The following CMIP variants were observed in gnomAD, a reference collection of about 807,000 sequenced individuals.
CMIP encodes the protein C-Maf-inducing protein.
CMIP carries 13 observed loss-of-function variants against 97.3 expected under a neutral mutation model. The observed-to-expected ratio is 0.13, with a 90% CI of 0.09 to 0.21. CMIP has a LOEUF of 0.21. Among genes scored for constraint, CMIP ranks in the 10% least tolerant of loss-of-function variants. The pLI, the probability that CMIP is intolerant of heterozygous loss-of-function variation, is 1.00. For missense variants in CMIP, 847 were observed against 1,024.9 expected (o/e 0.83, Z 2.37); for synonymous variants, 538 against 436.3 (o/e 1.23, Z -2.91).
In CMIP at chr16:81,701,762, G is replaced by C; in HGVS notation, c.1858G>C (p.Glu620Gln). 2 of 1,613,816 alleles carry C rather than the reference G, an allele frequency of 1.2e-6. No individual in the cohort carries two copies. Among genetic ancestry groups the C allele is most frequent in the Non-Finnish European group, 1.7e-6 (2 of 1,179,870 alleles). Residue 620 changes from glutamate (E) to glutamine (Q), a missense_variant, in exon 16 of 21, where the codon GAG becomes CAG. Physicochemically the swap from Glu to Gln is conservative, Grantham distance 29. Around this residue, in one of 4 missense-constraint regions of CMIP, gnomAD observed 266 missense variants for 384.2 expected, o/e 0.69. Coordinates refer to ENST00000537098, the MANE Select transcript of CMIP (RefSeq NM_198390.3). ...ESTDVGKRMY[E>Q]QLCDRQRELK... Reference sequence around the variant, plus strand: ...CACAGACGTGGGGAAGCGCATGTACGAGCAGCTGTGTGACCGGCAGCGGGA... The same window carrying C: ...CACAGACGTGGGGAAGCGCATGTACCAGCAGCTGTGTGACCGGCAGCGGGA...
At chr16:81,484,611 A>G (rs2150759907) in intron 1 of CMIP, among the ~76,000 whole-genome samples, 1 of 152,220 alleles carries the variant, frequency 6.6e-6, no homozygotes, top group African/African-American at 2.4e-5. Context: ...TTGGGTAATC[A>G]TCTCCGGCTC....
chr16:81,599,609 A>C (rs1284285313), intron 1 of CMIP, among the ~76,000 whole-genome samples: 1 of 152,156 alleles, frequency 6.6e-6, no homozygotes, highest in Admixed American at 6.5e-5. Flanking sequence ...TGTGAGCACA[A>C]AGGTACACAA....
intron 1 of CMIP, chr16:81,519,660 C>G (rs931101709): frequency 2.0e-5 from 3 of 152,262 alleles, no homozygotes; most frequent in Admixed American, 2.0e-4. Context: ...GTTTCCTCAT[C>G]TGTAAAGTGG....
chr16:81,619,806 A>T (rs2091969258), intron 2 of CMIP: 1 of 152,262 alleles, frequency 6.6e-6, no homozygotes, highest in Admixed American at 6.5e-5. Context: ...ATGAGATGAC[A>T]GTACCGACTT....
rs536898326 is a variant in CMIP, at chr16:81,673,694, C to T, written c.1034+1624C>T. Among the ~76,000 whole-genome samples, 18 of 152,282 alleles carry T rather than the reference C, an allele frequency of 1.2e-4. 1 individual carries two copies. In the South Asian group the frequency reaches 2.3e-3, roughly 19 times the overall value. On this transcript the variant is annotated intron_variant, in intron 9 of 20. Coordinates refer to ENST00000537098, the MANE Select transcript of CMIP (RefSeq NM_198390.3). The stretch of plus-strand genomic sequence containing the variant: ...TAGTCACTCACCAGCTCCCATCCCT[C>T]GCTGGCTGAGAACTGCTCCCGGGAT...
intron 1 of CMIP, among the ~76,000 whole-genome samples, chr16:81,583,704 C>A (rs1203351572): frequency 6.6e-6 from 1 of 152,112 alleles, no homozygotes. Context: ...TCTGTCGTTG[C>A]AGAGGCACTT....
intron 3 of CMIP, among the ~76,000 whole-genome samples, chr16:81,622,738 C>T (rs1434608036): frequency 6.6e-6 from 1 of 152,196 alleles, no homozygotes; most frequent in South Asian, 2.1e-4. Context: ...TTCTGCCTTT[C>T]CCTGGTCCAC....
At chr16:81,635,389 T>TTAGGTATTTAA (rs2092221413) in intron 3 of CMIP, among the ~76,000 whole-genome samples, 1 of 152,132 alleles carries the variant, frequency 6.6e-6, no homozygotes, top group African/African-American at 2.4e-5. Flanking sequence ...CATTTTAATT[T>TTAGGTATTTAA]TTTAAAGGTA....
chr16:81,664,491 G>C (rs2092582151), intron 7 of CMIP, 142 bp downstream of exon 7: 2 of 710,274 alleles, frequency 2.8e-6, no homozygotes, highest in Admixed American at 2.8e-5. Context: ...TGAGATTCTG[G>C]TTAAGGACTT....
At chr16:81,479,082 A>G (rs888611624) in intron 1 of CMIP, among the ~76,000 whole-genome samples, 3 of 152,128 alleles carry the variant, frequency 2.0e-5, no homozygotes, top group Admixed American at 6.5e-5. Flanking sequence ...TAGTTCTGCT[A>G]TTGACCGGAC....
At chr16:81,689,713 T>A (rs1360892060) in intron 10 of CMIP, among the ~76,000 whole-genome samples, 1 of 152,236 alleles carries the variant, frequency 6.6e-6, no homozygotes, top group Admixed American at 6.5e-5. Flanking sequence ...GGTATTTTAG[T>A]CATGAAGTCC....
At position 81,702,916 on chromosome 16, in the gene CMIP, T is replaced by C. The variant is rs183499734; in HGVS notation, c.1944+247T>C. 2.5e-4 allele frequency among the ~76,000 whole-genome samples: 38 copies of C among 152,324 alleles called. 1 individual carries two copies. The highest frequency in any genetic ancestry group is 6.8e-3 in the Middle Eastern group (2 of 294). On this transcript the variant is annotated intron_variant, in intron 17 of 20. Coordinates refer to ENST00000537098, the MANE Select transcript of CMIP (RefSeq NM_198390.3). Reference sequence around the variant, plus strand: ...TGATAATAGTGTTGATATCTAGTTATTAATAGTACTTGGAATAATAGCAGA... The same window carrying C: ...TGATAATAGTGTTGATATCTAGTTACTAATAGTACTTGGAATAATAGCAGA...
In CMIP at chr16:81,707,001, G is replaced by A. The variant is rs757406905; in HGVS notation, c.2198-13G>A. The A allele has an allele frequency of 1.9e-6, 3 of 1,612,952 alleles. No individual in the cohort carries two copies. The South Asian group carries it at 3.3e-5, about 18-fold the overall frequency. ...CCTCGCTCTCCTAACAACTGTATCT[G>A]TCTCTTGTGCAGCCATGAAGAGTCT... On this transcript the variant is annotated splice_polypyrimidine_tract_variant and intron_variant, in intron 19 of 20. Transcript: ENST00000537098.
intron 13 of CMIP, among the ~76,000 whole-genome samples, 193 bp downstream of exon 13, chr16:81,693,680 G>A (rs985542504): frequency 5.9e-5 from 9 of 152,204 alleles, no homozygotes; most frequent in Non-Finnish European, 8.8e-5. Flanking sequence ...TACTGTAAAC[G>A]CCGGCTCACC....
At chr16:81,468,787 G>A (rs917901387) in intron 1 of CMIP, among the ~76,000 whole-genome samples, 1 of 152,234 alleles carries the variant, frequency 6.6e-6, no homozygotes, top group African/African-American at 2.4e-5. Flanking sequence ...GGAGGAGAAA[G>A]CAGGGAGGAG....
Position 81,652,760 on chromosome 16 carries a change from A to T in CMIP, c.639+396A>T. Among the ~76,000 whole-genome samples, 1 of 152,202 alleles carries T rather than the reference A, an allele frequency of 6.6e-6. No homozygotes were observed. Among genetic ancestry groups the T allele is most frequent in the East Asian group, 1.9e-4 (1 of 5,194 alleles). On this transcript the variant is annotated intron_variant, in intron 4 of 20. Transcript: ENST00000537098. The surrounding 1 kb of genome is among the most constrained non-coding windows in gnomAD (Gnocchi z 5.2). ...GTTTAATTTAAACACCATTTTAAAA[A>T]TCAGGAGATTTCACAGTACAGTGGG...
chr16:81,668,103 G>A (rs2092630349), intron 7 of CMIP, among the ~76,000 whole-genome samples: 1 of 152,048 alleles, frequency 6.6e-6, no homozygotes, highest in African/African-American at 2.4e-5. Flanking sequence ...GACCTGAGGG[G>A]GGTCTCTATT....
intron 1 of CMIP, among the ~76,000 whole-genome samples, chr16:81,498,212 A>G (rs565993066): frequency 6.6e-6 from 1 of 152,352 alleles, no homozygotes; most frequent in East Asian, 1.9e-4. Flanking sequence ...CTTCTAGGAC[A>G]GTCAAGAAGG....
intron 7 of CMIP, among the ~76,000 whole-genome samples, chr16:81,667,865 T>C (rs889272258): frequency 6.7e-6 from 1 of 150,372 alleles, no homozygotes; most frequent in Non-Finnish European, 1.5e-5. Flanking sequence ...AGTGCGTGCA[T>C]TTTTCTGAAC....
Sources: allele counts gnomAD v4.1 joint callset (sites outside exome capture counted in the v4.1 genomes callset), GRCh38; gene constraint gnomAD v4.1.1; regional missense constraint gnomAD v4.1.1; non-coding constraint Gnocchi (gnomAD v3.1); transcripts MANE v1.5; gene names NCBI Gene and HGNC (gene_info 2026-07-23, HGNC 2026-07-21).